PTPRD: variants seen among roughly 807,000 people sequenced by gnomAD.
PTPRD encodes protein tyrosine phosphatase receptor type D, also known as receptor-type tyrosine-protein phosphatase delta.
PTPRD carries 34 observed loss-of-function variants against 214.5 expected under a neutral mutation model. That is an observed-to-expected ratio of 0.16 (90% CI 0.12 to 0.21). The LOEUF (loss-of-function observed/expected upper bound fraction) is 0.21, where lower values mean the gene tolerates loss of function less well. Among genes scored for constraint, PTPRD ranks in the 10% least tolerant of loss-of-function variants. The pLI, the probability that PTPRD is intolerant of heterozygous loss-of-function variation, is 1.00. For synonymous variants in PTPRD, 1,128 were observed against 845.7 expected, an observed-to-expected ratio of 1.33 and a Z score of -5.79; for missense variants, 2,545 against 2,398.7, an observed-to-expected ratio of 1.06 and a Z score of -1.27.
At chr9:8,379,131 C>T (rs927411347) in intron 37 of PTPRD, among the ~76,000 whole-genome samples, 1 of 152,040 alleles carries the variant, frequency 6.6e-6, no homozygotes, top group South Asian at 2.1e-4. Flanking sequence ...AACTCAACTG[C>T]AAAAATCAGA....
rs529569677 is a variant in PTPRD, at chr9:8,436,297, A to C, written c.4086+295T>G. Among the ~76,000 whole-genome samples the C allele has an allele frequency of 1.5e-3, 228 of 152,180 alleles. 1 individual carries two copies. The highest frequency in any genetic ancestry group is 1.3e-3 in the Non-Finnish European group (85 of 67,996). The stretch of plus-strand genomic sequence containing the variant: ...GTGACTATAATTAATAATAATGCAT[A>C]ATATGTAAATATATACAATTATTGC... On this transcript the variant is annotated intron_variant, in intron 35 of 45. Transcript: ENST00000381196.
At chr9:9,259,014 A>G (rs1406294909) in intron 9 of PTPRD, among the ~76,000 whole-genome samples, 3 of 151,870 alleles carry the variant, frequency 2.0e-5, no homozygotes, top group East Asian at 3.9e-4. Context: ...AAAGGATCAT[A>G]TAGTTTGAAT....
At chr9:10,228,251 T>C (rs374858431) in intron 3 of PTPRD, among the ~76,000 whole-genome samples, 11 of 152,162 alleles carry the variant, frequency 7.2e-5, no homozygotes, top group East Asian at 5.8e-4. Flanking sequence ...ATTTCCAACA[T>C]TGAACCTCAA....
intron 25 of PTPRD, among the ~76,000 whole-genome samples, chr9:8,498,256 T>C (rs2097319220): frequency 6.6e-6 from 1 of 152,144 alleles, no homozygotes; most frequent in African/African-American, 2.4e-5. Context: ...GGGATATTTA[T>C]TGCTGTCTTA....
At chr9:9,498,174 C>G (rs2096270734) in intron 8 of PTPRD, among the ~76,000 whole-genome samples, 1 of 152,056 alleles carries the variant, frequency 6.6e-6, no homozygotes, top group Non-Finnish European at 1.5e-5. Flanking sequence ...GTTTTAGCGG[C>G]ACAGTTGTAG....
At chr9:9,186,352 T>C (rs2099931456) in intron 9 of PTPRD, among the ~76,000 whole-genome samples, 4 of 152,194 alleles carry the variant, frequency 2.6e-5, no homozygotes, top group African/African-American at 4.8e-5. Context: ...AAAGCGAAGA[T>C]CTGTCCATGG....
chr9:10,032,088 A>C (rs2097092267), intron 4 of PTPRD, among the ~76,000 whole-genome samples: 1 of 152,134 alleles, frequency 6.6e-6, no homozygotes, highest in Non-Finnish European at 1.5e-5. Flanking sequence ...CTACTATTGG[A>C]AGGAGTAGGA....
At chr9:9,354,726 A>G (rs2138514713) in intron 9 of PTPRD, among the ~76,000 whole-genome samples, 1 of 151,972 alleles carries the variant, frequency 6.6e-6, no homozygotes, top group South Asian at 2.1e-4. Flanking sequence ...GATTTGAAGT[A>G]TCAGCAAGGG....
rs867168518 is a variant in PTPRD at position 10,159,525 on chromosome 9, A to G, written c.-544-125735T>C. The stretch of plus-strand genomic sequence containing the variant: ...CCACAGACAAAGCAATAAACCTGTG[A>G]CTGACCTTCACAAGACAGTAATATA... On this transcript the variant is annotated intron_variant, in intron 3 of 45. Transcript: ENST00000381196. 2.0e-5 allele frequency among the ~76,000 whole-genome samples: 3 copies of G among 152,252 alleles called. No individual in the cohort carries two copies. The South Asian group carries it at 6.2e-4, about 32-fold the overall frequency.
chr9:9,139,597 T>C (rs2099856678), intron 10 of PTPRD, among the ~76,000 whole-genome samples: 1 of 142,160 alleles, frequency 7.0e-6, no homozygotes, highest in South Asian at 2.3e-4. Context: ...TTAGAAATTA[T>C]AAATAGGCCG....
intron 7 of PTPRD, among the ~76,000 whole-genome samples, chr9:9,666,365 A>G (rs930407774): frequency 4.6e-5 from 7 of 151,902 alleles, no homozygotes; most frequent in Non-Finnish European, 7.4e-5. Flanking sequence ...ATAAACAGTA[A>G]AAAAATTATG....
chr9:8,447,065 T>G (rs1446010962), intron 34 of PTPRD, among the ~76,000 whole-genome samples: 2 of 152,220 alleles, frequency 1.3e-5, no homozygotes, highest in East Asian at 1.9e-4. Flanking sequence ...AGAGCTTGGA[T>G]GGCAAATAAA....
intron 3 of PTPRD, among the ~76,000 whole-genome samples, chr9:10,228,235 G>A (rs558022061): frequency 6.6e-6 from 1 of 152,066 alleles, no homozygotes; most frequent in East Asian, 1.9e-4. Context: ...TACAAGTAAT[G>A]GGCTTATTTC....
At chr9:9,343,691 T>A (rs2137514491) in intron 9 of PTPRD, among the ~76,000 whole-genome samples, 1 of 152,140 alleles carries the variant, frequency 6.6e-6, no homozygotes, top group East Asian at 1.9e-4. Context: ...ATGAAAAATG[T>A]TTCATTCGAA....
chr9:8,421,339 T>A (rs1311429608), intron 35 of PTPRD, among the ~76,000 whole-genome samples: 3 of 137,154 alleles, frequency 2.2e-5, no homozygotes, highest in African/African-American at 7.7e-5. Flanking sequence ...CTTTTCTTTT[T>A]CTTTTCTTTC....
At chr9:8,858,688 G>GGCCCGCTGC (rs113448016) in intron 11 of PTPRD, among the ~76,000 whole-genome samples, 1 of 150,984 alleles carries the variant, frequency 6.6e-6, no homozygotes, top group South Asian at 2.1e-4. Context: ...GGGAGAGCTG[G>GGCCCGCTGC]GCCCGCTGCG....
At chr9:10,339,747 C>T (rs2096905773) in intron 3 of PTPRD, among the ~76,000 whole-genome samples, 1 of 151,646 alleles carries the variant, frequency 6.6e-6, no homozygotes, top group Non-Finnish European at 1.5e-5. Context: ...AAACCTTGGT[C>T]TCATTATTTT....
At chr9:8,520,834 G>A (rs895415747) in intron 20 of PTPRD, among the ~76,000 whole-genome samples, 19 of 152,052 alleles carry the variant, frequency 1.2e-4, no homozygotes, top group Admixed American at 1.2e-3. Flanking sequence ...TCTATTACTA[G>A]ACTATGTTGA....
rs563695430 is a variant in PTPRD, at chr9:9,696,999, A to T, written c.-287+37534T>A. ...GTGAGGCTTACAAAAACATATAAAA[A>T]TTTTATTTTAAATAGACAACTTATC... On this transcript the variant is annotated intron_variant, in intron 7 of 45. Transcript: ENST00000381196. 2.6e-5 allele frequency among the ~76,000 whole-genome samples: 4 copies of T among 152,204 alleles called. No individual in the cohort carries two copies. The South Asian group carries it at 8.3e-4, about 32-fold the overall frequency.
Sources: gnomAD v4.1 joint callset for allele counts (sites outside exome capture counted in the v4.1 genomes callset) on GRCh38, gnomAD v4.1.1 for gene constraint, MANE v1.5 for transcripts, NCBI Gene and HGNC (gene_info 2026-07-23, HGNC 2026-07-21) for gene names.